The following DNAH3 variants were observed in gnomAD, a reference collection of about 807,000 sequenced individuals.
DNAH3 encodes axonemal beta dynein heavy chain 3.
In DNAH3, 332 loss-of-function variants were observed where a neutral mutation model predicts 432.5. That is an observed-to-expected ratio of 0.77 (90% confidence interval 0.70 to 0.84). The LOEUF is 0.84. DNAH3 is among the 40% of genes least tolerant of loss of function. The pLI is 0.00. For missense variants in DNAH3, 4,861 were observed against 5,114.0 expected, an observed-to-expected ratio of 0.95 and a Z score of 1.51; for synonymous variants, 1,956 against 1,900.2, an observed-to-expected ratio of 1.03 and a Z score of -0.76.
In DNAH3 at chr16:21,136,388, G is replaced by A. The variant is rs757067012; in HGVS notation, c.822C>T (p.Pro274=). ...TCTCCTGCACGAGGACCACCATCAG[G>A]GGCTCCAGGAAGGGACTCGTCAGCA... Residue 274 remains proline, a synonymous_variant, in exon 6 of 62, where the codon CCC becomes CCT. Transcript: ENST00000261383. The A allele has an allele frequency of 3.7e-6, 6 of 1,614,000 alleles. No homozygotes were observed. In the Admixed American group the frequency reaches 1.0e-4, roughly 27 times the overall value.
At chr16:21,086,745 C>A (rs369592024) in intron 19 of DNAH3, 104 bp downstream of exon 19, 2 of 1,018,448 alleles carry the variant, frequency 2.0e-6, no homozygotes, top group Admixed American at 2.0e-5. Flanking sequence ...AGTCTCCTTT[C>A]GGAAAGGAGA....
intron 29 of DNAH3, among the ~76,000 whole-genome samples, chr16:21,050,221 C>T (rs962719028): frequency 6.6e-6 from 1 of 152,192 alleles, no homozygotes; most frequent in East Asian, 1.9e-4. Flanking sequence ...ATGAGCAATA[C>T]AATATCACTG....
chr16:20,959,326 GGGCCTT>G (rs754785450), exon 54 of DNAH3: 31 of 1,614,082 alleles, frequency 1.9e-5, no homozygotes, highest in African/African-American at 5.3e-5. Context: ...GGCAGCAATA[GGGCCTT>G]GGCCTTGGCC....
At chr16:20,956,819 G>T (rs768753440) in intron 54 of DNAH3, among the ~76,000 whole-genome samples, 1 of 152,114 alleles carries the variant, frequency 6.6e-6, no homozygotes, top group Admixed American at 6.5e-5. Flanking sequence ...CACCTCCTGG[G>T]TTCAAGGAAT....
At chr16:21,117,092 T>C (rs1463358207) in intron 12 of DNAH3, 111 bp downstream of exon 12, 2 of 680,542 alleles carry the variant, frequency 2.9e-6, no homozygotes, top group South Asian at 1.9e-5. Flanking sequence ...CTATTCTTAC[T>C]ATGTATGTGT....
chr16:20,987,531 T>C (rs971758657), intron 46 of DNAH3, 83 bp from the exon 47 acceptor site: 18 of 1,570,698 alleles, frequency 1.1e-5, no homozygotes, highest in Non-Finnish European at 1.5e-5. Context: ...AGTCCTGGGG[T>C]TGATTTGAGG....
At chr16:20,992,116 T>C (rs1420359143) in intron 44 of DNAH3, among the ~76,000 whole-genome samples, 1 of 152,212 alleles carries the variant, frequency 6.6e-6, no homozygotes, top group East Asian at 1.9e-4. Context: ...TCATTTTCTG[T>C]AGGTGACCAA....
chr16:21,142,774 C>T (rs1422872656), intron 3 of DNAH3, among the ~76,000 whole-genome samples: 1 of 151,774 alleles, frequency 6.6e-6, no homozygotes, highest in South Asian at 2.1e-4. Context: ...CCACCTCAGT[C>T]TCCTGAGTAG....
At chr16:21,056,436 C>T (rs1190481573) in intron 27 of DNAH3, among the ~76,000 whole-genome samples, 1 of 145,086 alleles carries the variant, frequency 6.9e-6, no homozygotes, top group African/African-American at 2.5e-5. Flanking sequence ...CTCCCTCCCT[C>T]CCTGCCTCCC....
At chr16:21,141,492 G>T in intron 3 of DNAH3, 120 bp from the exon 5 acceptor site, 1 of 669,888 alleles carries the variant, frequency 1.5e-6, no homozygotes. Flanking sequence ...GACATGGTAC[G>T]GTGTGACGTG....
chr16:21,148,584 A>T (rs942203743), intron 1 of DNAH3, among the ~76,000 whole-genome samples: 2 of 152,018 alleles, frequency 1.3e-5, no homozygotes, highest in African/African-American at 4.8e-5. Context: ...CATCATGCAA[A>T]CTGACAGGGA....
intron 26 of DNAH3, among the ~76,000 whole-genome samples, chr16:21,059,711 G>T (rs2090276112): frequency 6.6e-6 from 1 of 151,562 alleles, no homozygotes; most frequent in South Asian, 2.1e-4. Flanking sequence ...GGAGGTGGAG[G>T]TTGCAGTGAG....
intron 48 of DNAH3, among the ~76,000 whole-genome samples, chr16:20,983,105 C>A (rs1052912321): frequency 6.6e-6 from 1 of 151,850 alleles, no homozygotes; most frequent in African/African-American, 2.4e-5. Context: ...ATTACAATAG[C>A]CCCTTTTTAA....
At chr16:21,139,599 C>T (rs578101331) in intron 5 of DNAH3, among the ~76,000 whole-genome samples, 3 of 151,736 alleles carry the variant, frequency 2.0e-5, no homozygotes, top group African/African-American at 7.3e-5. Context: ...ACCTCAGCCT[C>T]CCAAGTAGCT....
Position 21,150,378 on chromosome 16 carries a change from C to T in DNAH3, c.118-4290G>A. On this transcript the variant is annotated intron_variant, in intron 1 of 61. An upstream open reading frame in the 5' UTR gains an earlier in-frame stop. Transcript: ENST00000261383. ...ATGAATAAAGAGCTTTCAGCTTCTCCAGGGATGTGCCTCTCCTATCCAGTT... is the reference window on the plus strand; with the variant it reads ...ATGAATAAAGAGCTTTCAGCTTCTCTAGGGATGTGCCTCTCCTATCCAGTT... 1 of 442,120 alleles carries T rather than the reference C, an allele frequency of 2.3e-6. No individual in the cohort carries two copies. The highest frequency in any genetic ancestry group is 1.6e-5 in the South Asian group (1 of 61,480). The allele number at this position is 442,120 out of a possible 1,614,324, so 27.4% of individuals were successfully genotyped here.
chr16:21,063,296 C>T (rs1222948645), intron 24 of DNAH3, among the ~76,000 whole-genome samples: 1 of 151,884 alleles, frequency 6.6e-6, no homozygotes, highest in African/African-American at 2.4e-5. Context: ...AATTTCAGGT[C>T]ATTCTAATGT....
At chr16:20,951,688 G>A (rs149885178) in intron 56 of DNAH3, among the ~76,000 whole-genome samples, 3,708 of 150,182 alleles carry the variant, frequency 0.025, 75 homozygotes, top group South Asian at 0.047. Context: ...CATCGCCTCG[G>A]TCTCCCAAAG....
rs369903006 is a variant in DNAH3 at position 20,967,226 on chromosome 16, C to T, written c.8459-1801G>A. On this transcript the variant is annotated intron_variant, in intron 52 of 61. Transcript: ENST00000261383. ...GGTACCCCGAACTAACTCAATTGCTCTTTTGCTCCATCTCAATATACTCAC... is the reference window on the plus strand; with the variant it reads ...GGTACCCCGAACTAACTCAATTGCTTTTTTGCTCCATCTCAATATACTCAC... Among the ~76,000 whole-genome samples the T allele has an allele frequency of 1.1e-4, 17 of 152,248 alleles. 1 individual carries two copies. The East Asian group carries it at 3.1e-3, about 28-fold the overall frequency.
rs781432588 is a variant in DNAH3 at position 21,067,407 on chromosome 16, T to A, written c.3394A>T (p.Arg1132Trp). 68 of 1,613,742 alleles carry A rather than the reference T, an allele frequency of 4.2e-5. No homozygotes were observed. The South Asian group carries it at 7.2e-4, about 17-fold the overall frequency. The change falls in exon 24 of 62, where the codon AGG (arginine) becomes TGG (tryptophan). Residue 1132 changes from arginine to tryptophan, a missense_variant. By Grantham distance (101) the Arg-to-Trp change is moderately radical (BLOSUM62 -3). Coordinates refer to ENST00000261383, the Ensembl canonical transcript of DNAH3. Reference sequence around the variant, plus strand: ...GGCTGGTCGGCTGCCACCAGAATCCTGTTATCTTTCACCTGGGTTCCATCA... The same window carrying A: ...GGCTGGTCGGCTGCCACCAGAATCCAGTTATCTTTCACCTGGGTTCCATCA...
Sources: gnomAD v4.1 joint callset for allele counts (sites outside exome capture counted in the v4.1 genomes callset) on GRCh38, gnomAD v4.1.1 for gene constraint, MANE v1.5 for transcripts, NCBI Gene and HGNC (gene_info 2026-07-23, HGNC 2026-07-21) for gene names.